ARCN1: variants seen among roughly 807,000 people sequenced by gnomAD.
The protein encoded by ARCN1 is coatomer subunit delta.
A neutral mutation model predicts 60.4 loss-of-function variants in ARCN1; 5 were observed. The observed-to-expected ratio is 0.08, with a 90% CI of 0.04 to 0.17. ARCN1 has a LOEUF of 0.17. ARCN1 is among the 10% of genes least tolerant of loss of function. ARCN1 has a pLI of 1.00. For missense variants in ARCN1, 464 were observed against 626.5 expected (o/e 0.74, Z 2.77); for synonymous variants, 224 against 220.0 (o/e 1.02, Z -0.16).
intron 5 of ARCN1, among the ~76,000 whole-genome samples, chr11:118,585,378 C>T (rs1206236806): frequency 1.3e-5 from 2 of 152,126 alleles, no homozygotes; most frequent in African/African-American, 2.4e-5. Context: ...TGGTATATAG[C>T]GTATCTCTTA....
At position 118,600,982 on chromosome 11, in the gene ARCN1, C is replaced by T. The variant is rs1939134446; in HGVS notation, c.*268C>T. ...GTATTGGCCAGCAGGAAAGCAAGCT[C>T]TCCAGAGAATGCCCCCAGTTAAATA... On this transcript the variant is annotated 3_prime_UTR_variant, in exon 10 of 10. Coordinates refer to ENST00000264028, the MANE Select transcript of ARCN1 (RefSeq NM_001655.5). 5.2e-6 allele frequency: 1 copy of T among 193,788 alleles called. No homozygotes were observed. 12.0% of individuals were successfully genotyped at this position (193,788 alleles called of 1,614,324 possible).
rs1555076684 is a variant in ARCN1 at position 118,593,650 on chromosome 11, A to G, written c.1193A>G (p.Gln398Arg). ...GCDVNIEYEL[Q>R]EDNLELNDVV... ...GATGTCAACATAGAATATGAGCTAC[A>G]AGAAGATAATTTAGAACTGAATGAT... Residue 398 changes from glutamine (Q) to arginine (R), a missense_variant, in exon 8 of 10, where the codon CAA (glutamine) becomes CGA (arginine). By Grantham distance (43) the Gln-to-Arg change is conservative. Around this residue, in one of 2 missense-constraint regions of ARCN1, gnomAD observed 359 missense variants for 440.2 expected, o/e 0.82. Coordinates refer to ENST00000264028, the MANE Select transcript of ARCN1 (RefSeq NM_001655.5). 4 of 1,613,800 alleles carry G rather than the reference A, an allele frequency of 2.5e-6. No individual in the cohort carries two copies. The highest frequency in any genetic ancestry group is 1.7e-5 in the Admixed American group (1 of 60,000).
chr11:118,599,327 G>GA (rs1939100301), intron 9 of ARCN1, among the ~76,000 whole-genome samples: 1 of 149,384 alleles, frequency 6.7e-6, no homozygotes. Context: ...TCTTGACCTC[G>GA]TGATCCAGCC....
intron 4 of ARCN1, 56 bp from the exon 5 acceptor site, chr11:118,584,424 A>C: frequency 6.6e-7 from 1 of 1,522,686 alleles, no homozygotes; most frequent in South Asian, 1.3e-5. Context: ...TCATCAGATC[A>C]TGTGTGCTTG....
chr11:118,598,028 T>G, intron 9 of ARCN1, 117 bp downstream of exon 9: 1 of 894,234 alleles, frequency 1.1e-6, no homozygotes. Context: ...AGAAAAAAAC[T>G]GATGTCTCCT....
At chr11:118,597,600 T>C (rs781912405) in intron 8 of ARCN1, 107 bp from the exon 9 acceptor site, 106 of 1,239,442 alleles carry the variant, frequency 8.6e-5, no homozygotes, top group Non-Finnish European at 1.1e-4. Flanking sequence ...GAAATTGTAG[T>C]CCTAGAAGGC....
At chr11:118,593,926 G>T (rs1015158263) in intron 8 of ARCN1, 1 of 363,292 alleles carries the variant, frequency 2.8e-6, no homozygotes, top group South Asian at 3.5e-5. Context: ...TAGAGAAGAA[G>T]GTACTTCACT....
intron 1 of ARCN1, among the ~76,000 whole-genome samples, chr11:118,573,940 T>C (rs1938420330): frequency 6.6e-6 from 1 of 152,200 alleles, no homozygotes; most frequent in East Asian, 1.9e-4. Context: ...TAATAATGCA[T>C]TTTAGAGCAT....
chr11:118,597,034 C>G (rs1939041497), intron 8 of ARCN1, among the ~76,000 whole-genome samples: 1 of 152,176 alleles, frequency 6.6e-6, no homozygotes, highest in Non-Finnish European at 1.5e-5. Context: ...TGGTGAAACC[C>G]CGCCTCTACT....
At chr11:118,578,607 C>A (rs541668296) in intron 1 of ARCN1, among the ~76,000 whole-genome samples, 33 of 152,250 alleles carry the variant, frequency 2.2e-4, no homozygotes, top group African/African-American at 7.9e-4. Context: ...AATAATATTT[C>A]TCATCGCATG....
chr11:118,582,219 T>C (rs1938672535), intron 2 of ARCN1, among the ~76,000 whole-genome samples: 2 of 152,072 alleles, frequency 1.3e-5, no homozygotes, highest in South Asian at 4.1e-4. Context: ...CTCGGCTCAC[T>C]GCAACCTCCA....
Position 118,583,689 on chromosome 11 carries a change from T to A in ARCN1, c.448-120T>A, listed in dbSNP as rs549411122. The A allele has an allele frequency of 6.8e-6, 7 of 1,028,438 alleles. No homozygotes were observed. In the South Asian group the frequency reaches 1.1e-4, roughly 17 times the overall value. The allele number at this position is 1,028,438 out of a possible 1,614,324, so 63.7% of individuals were successfully genotyped here. The stretch of plus-strand genomic sequence containing the variant: ...GGGAGGATCACTTGAGCCCAGGAAG[T>A]TGAGGCTGCAGTGAGCTGTGATTGT... On this transcript the variant is annotated intron_variant, in intron 3 of 9. Transcript: ENST00000264028.
Position 118,581,966 on chromosome 11 carries a change from A to ACACACACACACACACC in ARCN1, c.267+458_267+459insACACACACACACACCC, listed in dbSNP as rs1472826072. On this transcript the variant is annotated intron_variant, in intron 2 of 9. Transcript: ENST00000264028. ...CACACACACACACACACACACACAC[A>ACACACACACACACACC]CCTTTTAAGACTTTATGCCAAAGTC... is the stretch of plus-strand genomic sequence containing the variant. Among the ~76,000 whole-genome samples the ACACACACACACACACC allele has an allele frequency of 4.0e-5, 6 of 150,018 alleles. No homozygotes were observed. In the South Asian group the frequency reaches 8.5e-4, roughly 21 times the overall value.
Position 118,592,805 on chromosome 11 carries a change from G to T in ARCN1, c.1081G>T (p.Val361Leu). The T allele has an allele frequency of 6.2e-7, 1 of 1,614,136 alleles. No homozygotes were observed. The highest frequency in any genetic ancestry group is 8.5e-7 in the Non-Finnish European group (1 of 1,180,006). ...KSFPVNSDVG[V>L]LKWRLQTTEE... Reference sequence around the variant, plus strand: ...ATTTCCAGTCAACAGTGACGTAGGGGTGCTAAAGTGGAGACTACAAACCAC... The same window carrying T: ...ATTTCCAGTCAACAGTGACGTAGGGTTGCTAAAGTGGAGACTACAAACCAC... Residue 361 changes from valine (V) to leucine (L), a missense_variant, in exon 7 of 10, where the codon GTG becomes TTG. Val to Leu is a conservative substitution (Grantham distance 32). Around this residue, in one of 2 missense-constraint regions of ARCN1, gnomAD observed 359 missense variants for 440.2 expected, o/e 0.82. Coordinates refer to ENST00000264028, the MANE Select transcript of ARCN1 (RefSeq NM_001655.5).
At chr11:118,580,100 A>C (rs1407399440) in intron 1 of ARCN1, among the ~76,000 whole-genome samples, 1 of 152,160 alleles carries the variant, frequency 6.6e-6, no homozygotes, top group Non-Finnish European at 1.5e-5. Flanking sequence ...AGGTGGGCTG[A>C]TCACTTGAGT....
Position 118,601,408 on chromosome 11 carries a change from T to A in ARCN1, c.*694T>A, listed in dbSNP as rs1310207443. The A allele has an allele frequency of 3.4e-5, 20 of 588,082 alleles. No individual in the cohort carries two copies. The East Asian group carries it at 5.8e-4, about 17-fold the overall frequency. The allele number at this position is 588,082 out of a possible 1,614,324, so 36.4% of individuals were successfully genotyped here. On this transcript the variant is annotated 3_prime_UTR_variant, in exon 10 of 10. Coordinates refer to ENST00000264028, the MANE Select transcript of ARCN1 (RefSeq NM_001655.5). ...AATATAATCCCTAAATATAGTTATATTTCATACTTAGTTTGTTTTTAAAAA... is the reference window on the plus strand; with the variant it reads ...AATATAATCCCTAAATATAGTTATAATTCATACTTAGTTTGTTTTTAAAAA...
rs373088344 is a variant in ARCN1, at chr11:118,581,423, A to G, written c.181A>G (p.Met61Val). 4 of 1,614,230 alleles carry G rather than the reference A, an allele frequency of 2.5e-6. No individual in the cohort carries two copies. In the Admixed American group the frequency reaches 5.0e-5, roughly 20 times the overall value. The change falls in exon 2 of 10, where the codon ATG (methionine) becomes GTG (valine). Residue 61 changes from methionine to valine, a missense_variant. Met to Val is a conservative substitution (Grantham distance 21, BLOSUM62 1). Transcript: ENST00000264028. ...TESVRYVYQP[M>V]EKLYMVLITT... is the part of the protein sequence containing the mutation. Reference sequence around the variant, plus strand: ...GAGTGTAAGATATGTCTACCAGCCTATGGAGAAACTGTATATGGTACTGAT... The same window carrying G: ...GAGTGTAAGATATGTCTACCAGCCTGTGGAGAAACTGTATATGGTACTGAT...
chr11:118,577,232 G>GTTTC (rs746295602), intron 1 of ARCN1, among the ~76,000 whole-genome samples: 43 of 151,734 alleles, frequency 2.8e-4, no homozygotes, highest in Admixed American at 2.0e-3. Flanking sequence ...TCTAAATTCT[G>GTTTC]TTTCTTTCTT....
In ARCN1 at chr11:118,572,442, G is replaced by T. The variant is rs1039790717; in HGVS notation, c.-106G>T. On this transcript the variant is annotated 5_prime_UTR_variant, in exon 1 of 10. Transcript: ENST00000264028. The stretch of plus-strand genomic sequence containing the variant: ...AAGAGGCGAAGCGGCAGCGGTTCCT[G>T]TCAAGGGGGCAGCAGGTCCAGAGCT... 52 of 1,271,352 alleles carry T rather than the reference G, an allele frequency of 4.1e-5. No homozygotes were observed. The Middle Eastern group carries it at 5.7e-4, about 14-fold the overall frequency. 78.8% of individuals were successfully genotyped at this position (1,271,352 alleles called of 1,614,324 possible). A position where few individuals can be genotyped will look rare whatever the true frequency, so the allele number is the denominator to read the frequency against.
Sources: gnomAD v4.1 joint callset for allele counts (sites outside exome capture counted in the v4.1 genomes callset) on GRCh38, gnomAD v4.1.1 for gene constraint, gnomAD v4.1.1 regional missense constraint, MANE v1.5 for transcripts, NCBI Gene and HGNC (gene_info 2026-07-23, HGNC 2026-07-21) for gene names.